The following SORCS2 variants were observed in gnomAD, a reference collection of about 807,000 sequenced individuals.
The protein encoded by SORCS2 is sortilin related VPS10 domain containing receptor 2.
In SORCS2, 100 loss-of-function variants were observed where a neutral mutation model predicts 141.6. The observed-to-expected ratio is 0.71, with a 90% confidence interval of 0.60 to 0.83. The LOEUF (loss-of-function observed/expected upper bound fraction) is 0.83, where lower values mean the gene tolerates loss of function less well. Among genes scored for constraint, SORCS2 ranks in the 40% least tolerant of loss-of-function variants. SORCS2 has a pLI of 0.00. For missense variants in SORCS2, 1,646 were observed against 1,560.2 expected (o/e 1.05, Z -0.93); for synonymous variants, 789 against 676.9 (o/e 1.17, Z -2.57).
At chr4:7,547,114 C>T (rs779695886) in intron 3 of SORCS2, among the ~76,000 whole-genome samples, 17 of 152,156 alleles carry the variant, frequency 1.1e-4, no homozygotes, top group Non-Finnish European at 2.5e-4. Flanking sequence ...CTGGGCTTCT[C>T]CAGGCATTTA....
chr4:7,604,043 G>C (rs1717904363), intron 3 of SORCS2, among the ~76,000 whole-genome samples: 1 of 152,150 alleles, frequency 6.6e-6, no homozygotes, highest in South Asian at 2.1e-4. Flanking sequence ...CTTGTACGGT[G>C]TGTGTGACTG....
intron 1 of SORCS2, among the ~76,000 whole-genome samples, chr4:7,276,214 G>T (rs1577346965): frequency 6.6e-6 from 1 of 152,170 alleles, no homozygotes; most frequent in Admixed American, 6.5e-5. Flanking sequence ...CCTGTTGCAG[G>T]TCAGTGTGTG....
intron 13 of SORCS2, among the ~76,000 whole-genome samples, 183 bp downstream of exon 13, chr4:7,703,554 C>G (rs189520549): frequency 3.3e-5 from 5 of 152,222 alleles, no homozygotes; most frequent in Middle Eastern, 3.4e-3. Flanking sequence ...CCTGAGGGGT[C>G]GTGGAGATGG....
intron 1 of SORCS2, among the ~76,000 whole-genome samples, chr4:7,386,199 AC>A (rs1471093502): frequency 2.3e-5 from 3 of 128,924 alleles, no homozygotes; most frequent in Non-Finnish European, 4.9e-5. Context: ...ACACACATAC[AC>A]ATTTGCACAC....
At chr4:7,670,357 G>A (rs1044544713) in intron 8 of SORCS2, among the ~76,000 whole-genome samples, 15 of 151,878 alleles carry the variant, frequency 9.9e-5, no homozygotes, top group Admixed American at 6.6e-5. Context: ...GTAAACAATA[G>A]GCCAAAGCTA....
At chr4:7,738,561 G>T (rs1225584888) in intron 26 of SORCS2, among the ~76,000 whole-genome samples, 1 of 152,184 alleles carries the variant, frequency 6.6e-6, no homozygotes, top group African/African-American at 2.4e-5. Context: ...GTTGCTGCGG[G>T]GTTCTGCGGT....
chr4:7,731,994 C>G lies in SORCS2; in HGVS notation c.3109-1328C>G, dbSNP rs146036231. Among the ~76,000 whole-genome samples, 140 of 152,294 alleles carry G rather than the reference C, an allele frequency of 9.2e-4. 1 individual carries two copies. The highest frequency in any genetic ancestry group is 3.2e-3 in the African/African-American group (131 of 41,572). ...ACCCTTGCACAGCCAGAGAAACAAT[C>G]AGTGGAGTGAAGAGATGGCCCACAG... On this transcript the variant is annotated intron_variant, in intron 23 of 26. Coordinates refer to ENST00000507866, the MANE Select transcript of SORCS2 (RefSeq NM_020777.3).
chr4:7,277,425 C>T (rs16839921), intron 1 of SORCS2, among the ~76,000 whole-genome samples: 4,260 of 152,172 alleles, frequency 0.028, 182 homozygotes, highest in African/African-American at 0.09. Context: ...TCAATACAGA[C>T]GGGCTTTCCG....
intron 1 of SORCS2, among the ~76,000 whole-genome samples, chr4:7,331,575 A>G (rs1046088242): frequency 1.3e-5 from 2 of 152,118 alleles, no homozygotes; most frequent in Admixed American, 1.3e-4. Context: ...TGAGAAACCC[A>G]GTGGGGTGTG....
chr4:7,479,766 G>A (rs906242602), intron 2 of SORCS2, among the ~76,000 whole-genome samples: 6 of 152,270 alleles, frequency 3.9e-5, no homozygotes, highest in African/African-American at 1.4e-4. Context: ...CAGATGCTCT[G>A]CAAATGAATG....
intron 23 of SORCS2, among the ~76,000 whole-genome samples, chr4:7,731,722 A>G (rs1389640749): frequency 6.6e-6 from 1 of 152,234 alleles, no homozygotes; most frequent in Non-Finnish European, 1.5e-5. Context: ...AAAAGAGAAT[A>G]TCTCCCATAA....
intron 2 of SORCS2, among the ~76,000 whole-genome samples, chr4:7,503,921 C>G (rs186315360): frequency 2.0e-5 from 3 of 152,168 alleles, no homozygotes; most frequent in African/African-American, 4.8e-5. Flanking sequence ...TTTTGGTGCC[C>G]TAGAGGAGAA....
intron 3 of SORCS2, among the ~76,000 whole-genome samples, chr4:7,595,769 G>A (rs929508567): frequency 9.9e-5 from 15 of 152,178 alleles, no homozygotes; most frequent in African/African-American, 3.6e-4. Context: ...CAACCTGGAT[G>A]GGTAGGGACA....
At chr4:7,396,435 C>G (rs1023121042) in intron 2 of SORCS2, 80 bp downstream of exon 2, 30 of 1,434,040 alleles carry the variant, frequency 2.1e-5, no homozygotes, top group Non-Finnish European at 2.8e-5. Flanking sequence ...GACCGAGATC[C>G]AAACACCTCA....
At position 7,660,715 on chromosome 4, in the gene SORCS2, T is replaced by C. The variant is rs188062082; in HGVS notation, c.888-785T>C. Among the ~76,000 whole-genome samples the C allele has an allele frequency of 2.0e-5, 3 of 152,266 alleles. No individual in the cohort carries two copies. The East Asian group carries it at 5.8e-4, about 29-fold the overall frequency. On this transcript the variant is annotated intron_variant, in intron 5 of 26. Transcript: ENST00000507866. ...GTTCTGTCCCTAGTGGGGTCACCTA[T>C]GAATGCAGATGAAGGCACCTACCTC...
chr4:7,552,849 C>T (rs777035024), intron 3 of SORCS2, among the ~76,000 whole-genome samples: 4 of 152,154 alleles, frequency 2.6e-5, no homozygotes, highest in Non-Finnish European at 4.4e-5. Flanking sequence ...CTGGAGAGAG[C>T]TTATTCCCTG....
rs527549780 is a variant in SORCS2 at position 7,638,382 on chromosome 4, G to A, written c.703G>A (p.Ala235Thr). The A allele has an allele frequency of 9.4e-5, 147 of 1,569,232 alleles. No homozygotes were observed. The highest frequency in any genetic ancestry group is 3.2e-4 in the East Asian group (14 of 43,668). Residue 235 changes from alanine (A) to threonine (T), a missense_variant, in exon 4 of 27, where the codon GCA (alanine) becomes ACA (threonine). Coordinates refer to ENST00000507866, the MANE Select transcript of SORCS2 (RefSeq NM_020777.3). Reference protein sequence around the residue: ...SDRDQSLFLSADEGATFQKQP... With the variant: ...SDRDQSLFLSTDEGATFQKQP... ...CCGGGACCAGAGCCTATTCCTCAGC[G>A]CAGACGAAGGCGCCACCTTTCAGAA... is the stretch of plus-strand genomic sequence containing the variant.
At chr4:7,536,381 AT>A (rs1306635712) in intron 3 of SORCS2, among the ~76,000 whole-genome samples, 2 of 152,238 alleles carry the variant, frequency 1.3e-5, no homozygotes, top group Non-Finnish European at 1.5e-5. Flanking sequence ...TTTTAAATGC[AT>A]TTAGATGCTG....
At chr4:7,540,153 C>CCCCTGCCTCT (rs1270266272) in intron 3 of SORCS2, among the ~76,000 whole-genome samples, 2 of 58,440 alleles carry the variant, frequency 3.4e-5, no homozygotes, top group African/African-American at 1.2e-4. Flanking sequence ...CCCCTCCCCG[C>CCCCTGCCTCT]CCCTGCCTCT....
Sources: allele counts gnomAD v4.1 joint callset (sites outside exome capture counted in the v4.1 genomes callset), GRCh38; gene constraint gnomAD v4.1.1; transcripts MANE v1.5; gene names NCBI Gene and HGNC (gene_info 2026-07-23, HGNC 2026-07-21).